KNDC1: variants seen among roughly 807,000 people sequenced by gnomAD.
The protein encoded by KNDC1 is kinase non-catalytic C-lobe domain containing 1, also known as kinase non-catalytic C-lobe domain-containing protein 1.
Under a neutral mutation model 172.8 loss-of-function variants are expected in KNDC1, and 106 were observed. The observed-to-expected ratio is 0.61, with a 90% CI of 0.52 to 0.72. The LOEUF (loss-of-function observed/expected upper bound fraction) is 0.72. Ranked by LOEUF, KNDC1 falls within the 30% of genes least tolerant of loss-of-function variation. KNDC1 has a pLI of 0.00. For synonymous variants in KNDC1, 1,083 were observed against 1,062.2 expected (o/e 1.02, Z -0.38); for missense variants, 2,325 against 2,394.5 (o/e 0.97, Z 0.61).
chr10:133,177,674 T>C (rs1222783629), intron 3 of KNDC1, among the ~76,000 whole-genome samples: 3 of 152,092 alleles, frequency 2.0e-5, no homozygotes, highest in Non-Finnish European at 4.4e-5. Flanking sequence ...GTGGTGTGTA[T>C]ATCATGGGCA....
chr10:133,193,063 A>AG (rs1854101898), intron 9 of KNDC1, among the ~76,000 whole-genome samples: 1 of 150,518 alleles, frequency 6.6e-6, no homozygotes, highest in Non-Finnish European at 1.5e-5. Context: ...ATAAAAAACA[A>AG]AAAGAGAGAG....
chr10:133,213,047 C>A, intron 24 of KNDC1, 125 bp downstream of exon 24: 1 of 844,410 alleles, frequency 1.2e-6, no homozygotes, highest in Non-Finnish European at 1.8e-6. Context: ...GGCCAGCTGC[C>A]AGGTGCACAG....
chr10:133,202,836 C>T (rs1462252254), intron 17 of KNDC1: 12 of 348,866 alleles, frequency 3.4e-5, no homozygotes, highest in Admixed American at 3.0e-4. Context: ...AGCCTCTGCA[C>T]CTGCATCTCG....
intron 10 of KNDC1, among the ~76,000 whole-genome samples, chr10:133,196,395 A>G (rs1435482928): frequency 6.6e-6 from 1 of 152,078 alleles, no homozygotes; most frequent in East Asian, 1.9e-4. Context: ...CTCATGTGTC[A>G]GTGATCAGGA....
intron 16 of KNDC1, among the ~76,000 whole-genome samples, chr10:133,200,746 T>TG (rs1332690983): frequency 3.3e-5 from 5 of 151,510 alleles, no homozygotes; most frequent in African/African-American, 7.3e-5. Flanking sequence ...ACCTTGGAGG[T>TG]GGGGGGTCCT....
chr10:133,209,260 G>A lies in KNDC1; in HGVS notation c.3795-1351G>A, dbSNP rs554353505. On this transcript the variant is annotated intron_variant, in intron 20 of 29. Transcript: ENST00000304613. The surrounding 1 kb of genome is among the most constrained non-coding windows in gnomAD (Gnocchi z 4.9). ...TATGCACATGTGTGGTGTGTGGTAT[G>A]CGGTAGTGTGTGTGTGGTGTGTGGA... Among the ~76,000 whole-genome samples the A allele has an allele frequency of 4.2e-4, 60 of 142,574 alleles. No individual in the cohort carries two copies. The highest frequency in any genetic ancestry group is 5.2e-4 in the Non-Finnish European group (34 of 65,538). 93.5% of individuals were successfully genotyped at this position (142,574 alleles called of 152,430 possible). A position where few individuals can be genotyped will look rare whatever the true frequency, so the allele number is the denominator to read the frequency against.
Position 133,167,100 on chromosome 10 carries a change from C to T in KNDC1, c.103-281C>T, listed in dbSNP as rs1853187375. 3 of 493,684 alleles carry T rather than the reference C, an allele frequency of 6.1e-6. No individual in the cohort carries two copies. The East Asian group carries it at 1.1e-4, about 18-fold the overall frequency. 30.6% of individuals were successfully genotyped at this position (493,684 alleles called of 1,614,324 possible). On this transcript the variant is annotated intron_variant, in intron 1 of 29. Transcript: ENST00000304613. Reference sequence around the variant, plus strand: ...GGAGCAGGTGACCCAGCAGCTCTGGCCGAGCCTCCGGGAGGAAGGCCCCGT... The same window carrying T: ...GGAGCAGGTGACCCAGCAGCTCTGGTCGAGCCTCCGGGAGGAAGGCCCCGT...
chr10:133,199,927 C>T (rs1854313888), intron 15 of KNDC1, among the ~76,000 whole-genome samples: 1 of 152,132 alleles, frequency 6.6e-6, no homozygotes, highest in African/African-American at 2.4e-5. Context: ...CTCAGAGGGA[C>T]CAGTGTGAGG....
intron 28 of KNDC1, among the ~76,000 whole-genome samples, chr10:133,219,483 G>C (rs934776094): frequency 9.9e-5 from 15 of 152,232 alleles, no homozygotes; most frequent in African/African-American, 3.4e-4. Flanking sequence ...ACATGACTCA[G>C]ACGAGTCCCA....
chr10:133,195,402 T>A (rs1367501684), intron 9 of KNDC1, among the ~76,000 whole-genome samples: 1 of 152,142 alleles, frequency 6.6e-6, no homozygotes, highest in East Asian at 1.9e-4. Context: ...AAAGTCCAGT[T>A]GAGGCTTCCA....
rs1272614876 is a variant in KNDC1, at chr10:133,198,989, C to A, written c.2481C>A (p.His827Gln). Residue 827 changes from histidine (H) to glutamine (Q), a missense_variant, in exon 14 of 30, where the codon CAC (histidine) becomes CAA (glutamine). By Grantham distance (24) the His-to-Gln change is conservative. Transcript: ENST00000304613. ...GPTTAHHGPR[H>Q]PPKPPRSKAT... is the part of the protein sequence containing the mutation. The stretch of plus-strand genomic sequence containing the variant: ...CCACGGCCCACCACGGCCCACGCCA[C>A]CCGCCCAAGCCCCCACGAAGCAAGG... 1 of 1,551,294 alleles carries A rather than the reference C, an allele frequency of 6.4e-7. No individual in the cohort carries two copies. Among genetic ancestry groups the A allele is most frequent in the Admixed American group, 1.9e-5 (1 of 51,720 alleles).
At chr10:133,168,081 C>T (rs1041083762) in intron 2 of KNDC1, among the ~76,000 whole-genome samples, 173 bp from the exon 3 acceptor site, 14 of 152,224 alleles carry the variant, frequency 9.2e-5, no homozygotes, top group Non-Finnish European at 1.5e-4. Context: ...CATTTCCCAT[C>T]ATAACCGTTA....
At chr10:133,170,284 C>T (rs1417373051) in intron 3 of KNDC1, among the ~76,000 whole-genome samples, 1 of 152,172 alleles carries the variant, frequency 6.6e-6, no homozygotes, top group Non-Finnish European at 1.5e-5. Context: ...TGGAACTCCC[C>T]CAACTGCAGG....
rs1034453760 is a variant in KNDC1 at position 133,218,735 on chromosome 10, T to C, written c.4678-96T>C. 2.5e-5 allele frequency: 37 copies of C among 1,460,314 alleles called. No individual in the cohort carries two copies. In the African/African-American group the frequency reaches 4.5e-4, roughly 18 times the overall value. The allele number at this position is 1,460,314 out of a possible 1,614,324, so 90.5% of individuals were successfully genotyped here. A position where few individuals can be genotyped will look rare whatever the true frequency, so the allele number is the denominator to read the frequency against. On this transcript the variant is annotated intron_variant, in intron 26 of 29. Transcript: ENST00000304613. ...ACACACGTGATGCAGCACACGCTCT[T>C]GTGTCTTGGAGCTGGGTGATTTTAA...
intron 3 of KNDC1, among the ~76,000 whole-genome samples, chr10:133,179,934 G>A (rs1176934257): frequency 6.6e-6 from 1 of 152,224 alleles, no homozygotes; most frequent in Non-Finnish European, 1.5e-5. Context: ...CCAGGACAGC[G>A]TCCCAGGTTT....
At chr10:133,198,107 G>A (rs1854245342) in intron 12 of KNDC1, among the ~76,000 whole-genome samples, 1 of 152,056 alleles carries the variant, frequency 6.6e-6, no homozygotes, top group Non-Finnish European at 1.5e-5. Context: ...AAGGCTTCTG[G>A]TGGGGCCTGG....
At chr10:133,187,912 C>T (rs866433295) in intron 6 of KNDC1, among the ~76,000 whole-genome samples, 2 of 148,960 alleles carry the variant, frequency 1.3e-5, no homozygotes, top group African/African-American at 5.1e-5. Context: ...CCCGTCCCGC[C>T]CTCCACCTCC....
In KNDC1 at chr10:133,211,607, C is replaced by T. The variant is rs751490971; in HGVS notation, c.4056+38C>T. The T allele has an allele frequency of 6.9e-6, 11 of 1,603,170 alleles. No individual in the cohort carries two copies. In the Admixed American group the frequency reaches 1.7e-4, roughly 25 times the overall value. On this transcript the variant is annotated intron_variant, in intron 22 of 29. Transcript: ENST00000304613. ...CTGAGCTGGGCGGCCGCACCCGGGG[C>T]TCCCACAGTGGGAGGTGCCGCCCTC... is the stretch of plus-strand genomic sequence containing the variant.
At chr10:133,184,276 C>G in intron 5 of KNDC1, among the ~76,000 whole-genome samples, 1 of 57,370 alleles carries the variant, frequency 1.7e-5, no homozygotes, top group East Asian at 9.7e-4. Context: ...CACCCATGCA[C>G]ACACACGCTG....
Sources: allele counts gnomAD v4.1 joint callset (sites outside exome capture counted in the v4.1 genomes callset), GRCh38; gene constraint gnomAD v4.1.1; non-coding constraint Gnocchi (gnomAD v3.1); transcripts MANE v1.5; gene names NCBI Gene and HGNC (gene_info 2026-07-23, HGNC 2026-07-21).